GRK5: variants seen among roughly 807,000 people sequenced by gnomAD.
GRK5 encodes G protein-coupled receptor kinase 5, also known as g protein-coupled receptor kinase GRK5.
In GRK5, 40 loss-of-function variants were observed where a neutral mutation model predicts 78.4. That is an observed-to-expected ratio of 0.51 (90% CI 0.40 to 0.66). GRK5 has a LOEUF of 0.66. Among genes scored for constraint, GRK5 ranks in the 30% least tolerant of loss-of-function variants. GRK5 has a pLI of 0.00. For missense variants in GRK5, 598 were observed against 759.9 expected (o/e 0.79, Z 2.50); for synonymous variants, 289 against 296.8 (o/e 0.97, Z 0.27).
At position 119,457,650 on chromosome 10, in the gene GRK5, C is replaced by G. The variant is rs1373533378; in HGVS notation, c.*2583C>G. The G allele has an allele frequency of 2.6e-5, 4 of 151,214 alleles. No homozygotes were observed. Among genetic ancestry groups the G allele is most frequent in the African/African-American group, 9.7e-5 (4 of 41,038 alleles). 9.4% of individuals were successfully genotyped at this position (151,214 alleles called of 1,614,324 possible). The stretch of plus-strand genomic sequence containing the variant: ...CCCCAGTCCTGTCCCTTCCCTGACT[C>G]GCTCCTCCTCCAACCTTGGTTTCTA... On this transcript the variant is annotated 3_prime_UTR_variant, in exon 16 of 16. Coordinates refer to ENST00000392870, the MANE Select transcript of GRK5 (RefSeq NM_005308.3).
intron 2 of GRK5, among the ~76,000 whole-genome samples, chr10:119,371,467 T>C (rs921981260): frequency 6.6e-6 from 1 of 152,264 alleles, no homozygotes; most frequent in African/African-American, 2.4e-5. Flanking sequence ...TTATCTTAAC[T>C]ATCAATATCA....
intron 4 of GRK5, among the ~76,000 whole-genome samples, chr10:119,397,459 G>T (rs1399340750): frequency 6.6e-6 from 1 of 152,168 alleles, no homozygotes; most frequent in African/African-American, 2.4e-5. Flanking sequence ...CTGGGCCTCT[G>T]TTTCCCTTTC....
intron 2 of GRK5, among the ~76,000 whole-genome samples, chr10:119,339,928 A>C (rs1415782814): frequency 6.6e-6 from 1 of 152,160 alleles, no homozygotes; most frequent in African/African-American, 2.4e-5. Context: ...CAACCAAAGA[A>C]CAACACAAAA....
Position 119,425,286 on chromosome 10 carries a change from C to CACACACACACACAA in GRK5, c.533+212_533+213insCAAACACACACACA, listed in dbSNP as rs762057945. The stretch of plus-strand genomic sequence containing the variant: ...ACACACATACACACACACACACACA[C>CACACACACACACAA]ACACACACACAAACACACATTCACG... On this transcript the variant is annotated intron_variant, in intron 6 of 15. Coordinates refer to ENST00000392870, the MANE Select transcript of GRK5 (RefSeq NM_005308.3). Among the ~76,000 whole-genome samples, 262 of 135,298 alleles carry CACACACACACACAA rather than the reference C, an allele frequency of 1.9e-3. 2 individuals carry two copies. The highest frequency in any genetic ancestry group is 4.8e-3 in the East Asian group (24 of 4,996). 88.8% of individuals were successfully genotyped at this position (135,298 alleles called of 152,430 possible).
intron 1 of GRK5, among the ~76,000 whole-genome samples, chr10:119,279,088 G>A (rs1166233518): frequency 6.6e-6 from 1 of 151,978 alleles, no homozygotes; most frequent in Non-Finnish European, 1.5e-5. Flanking sequence ...CACCATGTTA[G>A]CCAGGATGGT....
chr10:119,261,062 G>C (rs1442975506), intron 1 of GRK5, among the ~76,000 whole-genome samples: 1 of 58,332 alleles, frequency 1.7e-5, no homozygotes, highest in African/African-American at 5.1e-5. Context: ...CTCCCGGACG[G>C]GGCGGCTGGC....
chr10:119,342,895 A>AC (rs1851007245), intron 2 of GRK5, among the ~76,000 whole-genome samples: 1 of 151,280 alleles, frequency 6.6e-6, no homozygotes, highest in African/African-American at 2.4e-5. Context: ...CCTGAAAGGC[A>AC]CCCCCCAACG....
In GRK5 at chr10:119,453,318, G is replaced by A; in HGVS notation, c.1674+42G>A. ...TGGCCAGTCCTGGCATCAGCTCCGAGACCCCTGGCTCACTTCCATGGGAAA... is the reference window on the plus strand; with the variant it reads ...TGGCCAGTCCTGGCATCAGCTCCGAAACCCCTGGCTCACTTCCATGGGAAA... On this transcript the variant is annotated intron_variant, in intron 15 of 15. Coordinates refer to ENST00000392870, the MANE Select transcript of GRK5 (RefSeq NM_005308.3). The A allele has an allele frequency of 1.7e-5, 28 of 1,611,198 alleles. 1 individual carries two copies. Among genetic ancestry groups the A allele is most frequent in the Non-Finnish European group, 2.3e-5 (27 of 1,178,894 alleles).
At chr10:119,339,428 G>A (rs2049633880) in intron 2 of GRK5, among the ~76,000 whole-genome samples, 1 of 152,220 alleles carries the variant, frequency 6.6e-6, no homozygotes, top group South Asian at 2.1e-4. Flanking sequence ...CTTGGCAGCA[G>A]GGCCCAGCAA....
chr10:119,394,749 CTGTGTGTGGGTGTGTATCTGTG>C (rs895624452), intron 3 of GRK5, among the ~76,000 whole-genome samples: 2 of 30,280 alleles, frequency 6.6e-5, no homozygotes, highest in Non-Finnish European at 1.6e-4. Context: ...GTGTGTGTGT[CTGTGTGTGGGTGTGTATCTGTG>C]TGTGTGTGGG....
rs7070986 is a variant in GRK5, at chr10:119,337,812, G to A, written c.148+11201G>A. 1.0e-3 allele frequency among the ~76,000 whole-genome samples: 159 copies of A among 151,944 alleles called. 2 individuals are homozygous for A. The highest frequency in any genetic ancestry group is 2.0e-3 in the Non-Finnish European group (133 of 67,962). On this transcript the variant is annotated intron_variant, in intron 2 of 15. Coordinates refer to ENST00000392870, the MANE Select transcript of GRK5 (RefSeq NM_005308.3). ...TTTTTTTTATATTTTTAGTAGAGAC[G>A]GGGTTTCACCAGGTTGCCAGGCTGG...
At chr10:119,337,184 A>G (rs1296403026) in intron 2 of GRK5, among the ~76,000 whole-genome samples, 2 of 152,166 alleles carry the variant, frequency 1.3e-5, no homozygotes. Context: ...ATTTCATTCT[A>G]GGGCTAAATT....
At chr10:119,316,175 T>C (rs1313202052) in intron 1 of GRK5, among the ~76,000 whole-genome samples, 1 of 152,212 alleles carries the variant, frequency 6.6e-6, no homozygotes, top group Non-Finnish European at 1.5e-5. Flanking sequence ...AGCTGAGAGC[T>C]GGGCTGGCCA....
At chr10:119,221,731 G>A (rs1240523115) in intron 1 of GRK5, among the ~76,000 whole-genome samples, 1 of 151,842 alleles carries the variant, frequency 6.6e-6, no homozygotes, top group Non-Finnish European at 1.5e-5. Flanking sequence ...TTTCCTCTTT[G>A]GGAAGAATCA....
intron 4 of GRK5, among the ~76,000 whole-genome samples, chr10:119,401,615 G>A (rs541872011): frequency 1.2e-4 from 18 of 152,328 alleles, no homozygotes; most frequent in African/African-American, 4.3e-4. Context: ...GCCATGATGA[G>A]GATCATAAAT....
chr10:119,414,171 A>G (rs535073594), intron 4 of GRK5, among the ~76,000 whole-genome samples: 6 of 152,280 alleles, frequency 3.9e-5, no homozygotes, highest in African/African-American at 1.4e-4. Context: ...ACGTTGGGAA[A>G]TTGCAAATAG....
intron 4 of GRK5, among the ~76,000 whole-genome samples, chr10:119,413,903 C>T (rs563746084): frequency 2.2e-4 from 33 of 152,214 alleles, no homozygotes; most frequent in Non-Finnish European, 4.4e-4. Context: ...CCTGCCCCCG[C>T]CCAGGCCAGG....
chr10:119,329,743 CA>C (rs1054113116), intron 2 of GRK5, among the ~76,000 whole-genome samples: 1 of 151,168 alleles, frequency 6.6e-6, no homozygotes, highest in Non-Finnish European at 1.5e-5. Flanking sequence ...AAAACAAAAA[CA>C]AAAACAAAAA....
At chr10:119,344,618 C>G (rs1487651060) in intron 2 of GRK5, among the ~76,000 whole-genome samples, 2 of 152,238 alleles carry the variant, frequency 1.3e-5, no homozygotes, top group Non-Finnish European at 2.9e-5. Flanking sequence ...TCTTTCCCCT[C>G]CCCCTGCAGG....
Sources: allele counts gnomAD v4.1 joint callset (sites outside exome capture counted in the v4.1 genomes callset), GRCh38; gene constraint gnomAD v4.1.1; transcripts MANE v1.5; gene names NCBI Gene and HGNC (gene_info 2026-07-23, HGNC 2026-07-21).